TXN: variants seen among roughly 807,000 people sequenced by gnomAD.
TXN encodes ADF.
In TXN, 10 loss-of-function variants were observed where a neutral mutation model predicts 16.5. The observed-to-expected ratio is 0.61, with a 90% confidence interval of 0.37 to 1.03. The LOEUF (loss-of-function observed/expected upper bound fraction) is 1.03. TXN is among the 50% of genes least tolerant of loss of function. The pLI, the probability that TXN is intolerant of heterozygous loss-of-function variation, is 0.01. For missense variants in TXN, 71 were observed against 122.5 expected, an observed-to-expected ratio of 0.58 and a Z score of 1.98; for synonymous variants, 35 against 39.4, an observed-to-expected ratio of 0.89 and a Z score of 0.42.
Position 110,256,287 on chromosome 9 carries a change from T to C in TXN, c.24+125A>G. ...GCCGAGACGCCGCGTCCCTTTCCCC[T>C]GGCGATGCGGAGGGGCGGCCTCCGC... On this transcript the variant is annotated intron_variant, in intron 1 of 4. Coordinates refer to ENST00000374517, the MANE Select transcript of TXN (RefSeq NM_003329.4). This position sits in a 1 kb window ranked among gnomAD's most constrained non-coding sequence, Gnocchi z 4.2. 9.9e-7 allele frequency: 1 copy of C among 1,014,876 alleles called. No homozygotes were observed. Among genetic ancestry groups the C allele is most frequent in the African/African-American group, 1.6e-5 (1 of 61,186 alleles). The allele number at this position is 1,014,876 out of a possible 1,614,324, so 62.9% of individuals were successfully genotyped here.
At chr9:110,245,618 CTATATATATATA>C (rs1170640168) in intron 3 of TXN, among the ~76,000 whole-genome samples, 12 of 30,894 alleles carry the variant, frequency 3.9e-4, no homozygotes, top group African/African-American at 9.6e-4. Context: ...CACACACACA[CTATATATATATA>C]TATATATATA....
At chr9:110,249,307 TA>T (rs71492877) in intron 3 of TXN, among the ~76,000 whole-genome samples, 45,098 of 143,222 alleles carry the variant, frequency 0.31, 7,376 homozygotes, top group East Asian at 0.62. Context: ...ACACTCTTTT[TA>T]AAAAAAAAAA....
chr9:110,256,479 A>G lies in TXN; in HGVS notation c.-44T>C. The G allele has an allele frequency of 6.3e-7, 1 of 1,589,400 alleles. No individual in the cohort carries two copies. The highest frequency in any genetic ancestry group is 8.6e-7 in the Non-Finnish European group (1 of 1,166,598). Reference sequence around the variant, plus strand: ...ACGAGCGGCTGTAAGGACCGATGGAAATGGATCCAAAGCACCAAACAGAGC... The same window carrying G: ...ACGAGCGGCTGTAAGGACCGATGGAGATGGATCCAAAGCACCAAACAGAGC... On this transcript the variant is annotated 5_prime_UTR_variant, in exon 1 of 5. Transcript: ENST00000374517. This position sits in a 1 kb window ranked among gnomAD's most constrained non-coding sequence, Gnocchi z 4.2.
chr9:110,246,134 A>G (rs992644837), intron 3 of TXN, among the ~76,000 whole-genome samples: 6 of 152,162 alleles, frequency 3.9e-5, no homozygotes. Flanking sequence ...GAGGGGTACT[A>G]CAAGTTTCCC....
At chr9:110,253,201 T>C (rs575580262) in intron 1 of TXN, among the ~76,000 whole-genome samples, 1 of 151,744 alleles carries the variant, frequency 6.6e-6, no homozygotes, top group South Asian at 2.1e-4. Context: ...CATGTACTAA[T>C]AGTTACTTCT....
intron 1 of TXN, among the ~76,000 whole-genome samples, chr9:110,253,086 G>A (rs573879622): frequency 2.2e-5 from 3 of 139,154 alleles, no homozygotes; most frequent in Admixed American, 1.5e-4. Flanking sequence ...GCCCCCCACC[G>A]CCACAAGAGG....
chr9:110,251,263 A>G, intron 2 of TXN, 95 bp downstream of exon 2: 1 of 957,834 alleles, frequency 1.0e-6, no homozygotes, highest in African/African-American at 1.6e-5. Flanking sequence ...CCCCACCGAA[A>G]CCAAAATCCT....
chr9:110,250,927 T>C, intron 2 of TXN, 48 bp from the exon 3 acceptor site: 2 of 1,406,730 alleles, frequency 1.4e-6, no homozygotes, highest in South Asian at 2.4e-5. Flanking sequence ...AACTAGGTAA[T>C]GGCAATCAAC....
chr9:110,247,890 G>T (rs1238478338), intron 3 of TXN, among the ~76,000 whole-genome samples: 3 of 152,166 alleles, frequency 2.0e-5, no homozygotes, highest in African/African-American at 7.2e-5. Flanking sequence ...AAAGGTCCAT[G>T]CATGTTACTG....
At chr9:110,245,087 G>A (rs763606077) in intron 3 of TXN, 3 of 319,570 alleles carry the variant, frequency 9.4e-6, no homozygotes, top group Non-Finnish European at 1.8e-5. Flanking sequence ...ACATTAACAG[G>A]CAGAATGTTC....
At chr9:110,250,700 T>C (rs1837721749) in intron 3 of TXN, 120 bp downstream of exon 3, 5 of 860,872 alleles carry the variant, frequency 5.8e-6, no homozygotes, top group South Asian at 3.2e-5. Flanking sequence ...GATAGAACTT[T>C]TTAGATAGGA....
At chr9:110,250,383 A>G (rs1030049458) in intron 3 of TXN, among the ~76,000 whole-genome samples, 1 of 152,218 alleles carries the variant, frequency 6.6e-6, no homozygotes, top group African/African-American at 2.4e-5. Flanking sequence ...TTTCTAATTG[A>G]CTAAAATCAA....
At chr9:110,252,462 GAA>G (rs984409302) in intron 1 of TXN, among the ~76,000 whole-genome samples, 13 of 152,022 alleles carry the variant, frequency 8.6e-5, no homozygotes, top group Non-Finnish European at 1.0e-4. Context: ...TTCATTAAAT[GAA>G]AGTTTTCGTT....
At chr9:110,250,778 A>G (rs1837723355) in intron 3 of TXN, 42 bp downstream of exon 3, 2 of 1,451,808 alleles carry the variant, frequency 1.4e-6, no homozygotes, top group African/African-American at 2.8e-5. Flanking sequence ...AAAAAGGCCA[A>G]TGTGAAAAGC....
chr9:110,252,157 G>C (rs897381417), intron 1 of TXN, among the ~76,000 whole-genome samples: 1 of 145,314 alleles, frequency 6.9e-6, no homozygotes, highest in African/African-American at 2.6e-5. Context: ...TCAGGAGGCG[G>C]AGGTTGCAGT....
intron 1 of TXN, among the ~76,000 whole-genome samples, chr9:110,254,913 T>A (rs181250234): frequency 1.3e-5 from 2 of 152,174 alleles, no homozygotes; most frequent in Admixed American, 6.5e-5. Flanking sequence ...CAGGAATGGA[T>A]TAATAATTTG....
At chr9:110,255,762 G>A (rs1307733488) in intron 1 of TXN, among the ~76,000 whole-genome samples, 1 of 152,186 alleles carries the variant, frequency 6.6e-6, no homozygotes, top group Non-Finnish European at 1.5e-5. Flanking sequence ...GCCGCAATCC[G>A]CCCCCTTAGT....
intron 1 of TXN, among the ~76,000 whole-genome samples, chr9:110,252,223 CAAAAAA>C (rs377246017): frequency 6.3e-4 from 37 of 58,420 alleles, no homozygotes; most frequent in East Asian, 1.3e-3. Context: ...GACTCTGTCG[CAAAAAA>C]AAAAAAAAAA....
At chr9:110,254,037 A>G (rs1837774188) in intron 1 of TXN, among the ~76,000 whole-genome samples, 2 of 152,122 alleles carry the variant, frequency 1.3e-5, no homozygotes, top group South Asian at 2.1e-4. Context: ...AATAAATGGT[A>G]GGTGTCATTT....
Sources: gnomAD v4.1 joint callset for allele counts (sites outside exome capture counted in the v4.1 genomes callset) on GRCh38, gnomAD v4.1.1 for gene constraint, Gnocchi (gnomAD v3.1) non-coding constraint, MANE v1.5 for transcripts, NCBI Gene and HGNC (gene_info 2026-07-23, HGNC 2026-07-21) for gene names.